Variants in NRL observed in about 807,000 individuals in gnomAD.
NRL encodes neural retina-specific leucine zipper protein.
In NRL, 16 loss-of-function variants were observed where a neutral mutation model predicts 12.5. That is an observed-to-expected ratio of 1.28 (90% confidence interval 0.87 to 1.95). NRL has a LOEUF of 1.95. Ranked by LOEUF, NRL falls within the 30% of genes most tolerant of loss-of-function variation. The pLI is 0.00. For missense variants in NRL, 314 were observed against 325.8 expected (o/e 0.96, Z 0.28); for synonymous variants, 142 against 150.9 (o/e 0.94, Z 0.43).
At chr14:24,091,342 G>C (rs1308358252) in intron 1 of NRL, among the ~76,000 whole-genome samples, 1 of 152,172 alleles carries the variant, frequency 6.6e-6, no homozygotes. Context: ...GTAGAGACGG[G>C]GTTTCACCAT....
chr14:24,094,468 C>A lies in NRL; in HGVS notation c.-27-11593G>T. 2 of 1,508,282 alleles carry A rather than the reference C, an allele frequency of 1.3e-6. No homozygotes were observed. Among genetic ancestry groups the A allele is most frequent in the Non-Finnish European group, 8.8e-7 (1 of 1,135,586 alleles). 93.4% of individuals were successfully genotyped at this position (1,508,282 alleles called of 1,614,324 possible). ...CCCCCGGCCCGGGGCCCACCCGCAC[C>A]TTCCGCTGCGCTCGCCCCCTCGGGG... On this transcript the variant is annotated intron_variant, in intron 1 of 2. Transcript: ENST00000561028. This position sits in a 1 kb window ranked among gnomAD's most constrained non-coding sequence, Gnocchi z 4.1.
intron 1 of NRL, chr14:24,099,546 C>T (rs1367890499): frequency 6.4e-7 from 1 of 1,566,984 alleles, no homozygotes; most frequent in Non-Finnish European, 8.6e-7. Context: ...TCCCTCTCTC[C>T]CCAATGCACA....
In NRL at chr14:24,099,622, G is replaced by A. The variant is rs780382053; in HGVS notation, c.-28+15100C>T. The A allele has an allele frequency of 8.1e-6, 13 of 1,613,946 alleles. No individual in the cohort carries two copies. The Admixed American group carries it at 1.8e-4, about 23-fold the overall frequency. On this transcript the variant is annotated intron_variant, in intron 1 of 2. Transcript: ENST00000561028. ...GTGGCAGCCGCCTTCCCTAGTGCCT[G>A]TGGCAAGACCAACCTGGCTATGATG...
At chr14:24,100,997 C>T (rs1293290526) in intron 1 of NRL, among the ~76,000 whole-genome samples, 1 of 152,166 alleles carries the variant, frequency 6.6e-6, no homozygotes, top group Non-Finnish European at 1.5e-5. Context: ...CAAAGAAGAG[C>T]ATGGGAGGGG....
intron 1 of NRL, among the ~76,000 whole-genome samples, chr14:24,090,174 G>C (rs1219721463): frequency 1.3e-5 from 2 of 149,148 alleles, no homozygotes; most frequent in Non-Finnish European, 3.0e-5. Flanking sequence ...AGTCAGATTA[G>C]AGGACTAATG....
Position 24,081,636 on chromosome 14 carries a change from C to T in NRL, c.382-68G>A, listed in dbSNP as rs1216949796. ...ACCCGGCTCTGCCCTGAGGGCCCGA[C>T]GCTACCTGGCTCCGCCCCGGGACAG... is the stretch of plus-strand genomic sequence containing the variant. On this transcript the variant is annotated intron_variant, in intron 2 of 2. Transcript: ENST00000561028. This position sits in a 1 kb window ranked among gnomAD's most constrained non-coding sequence, Gnocchi z 4.4. 1.3e-6 allele frequency: 2 copies of T among 1,541,162 alleles called. No homozygotes were observed. The highest frequency in any genetic ancestry group is 2.0e-5 in the Admixed American group (1 of 50,978).
chr14:24,113,922 G>C (rs1182064776), intron 1 of NRL, among the ~76,000 whole-genome samples: 1 of 152,246 alleles, frequency 6.6e-6, no homozygotes, highest in African/African-American at 2.4e-5. Context: ...CTGAGCCTCT[G>C]AGCCCGAGAC....
At chr14:24,104,182 C>T (rs568099632) in intron 1 of NRL, 4 of 564,796 alleles carry the variant, frequency 7.1e-6, no homozygotes, top group Admixed American at 3.1e-5. Context: ...CCCTCTAACA[C>T]CTGTCTCACA....
intron 1 of NRL, among the ~76,000 whole-genome samples, chr14:24,083,358 T>C (rs1340976166): frequency 1.3e-5 from 2 of 152,210 alleles, no homozygotes; most frequent in Non-Finnish European, 2.9e-5. Flanking sequence ...TAGCTCTCTG[T>C]CTCTCAAAGC....
At chr14:24,091,415 C>G (rs866588245) in intron 1 of NRL, among the ~76,000 whole-genome samples, 1 of 152,130 alleles carries the variant, frequency 6.6e-6, no homozygotes, top group Admixed American at 6.5e-5. Flanking sequence ...CACAGAAGTG[C>G]TCTGGAAACT....
chr14:24,100,189 T>C (rs1318516752), intron 1 of NRL: 1 of 1,614,050 alleles, frequency 6.2e-7, no homozygotes, highest in Non-Finnish European at 8.5e-7. Context: ...TGTGACCTCC[T>C]GGCTGGGCAA....
Position 24,114,798 on chromosome 14 carries a change from G to A in NRL, c.-104C>T, listed in dbSNP as rs2037500533. 1.0e-6 allele frequency: 1 copy of A among 985,978 alleles called. No individual in the cohort carries two copies. Among genetic ancestry groups the A allele is most frequent in the Non-Finnish European group, 1.2e-6 (1 of 829,974 alleles). 61.1% of individuals were successfully genotyped at this position (985,978 alleles called of 1,614,324 possible). ...CGTCGTGTGACGTTTGCAGCCCGCC[G>A]GCCAGGAAGCCGCGAGATGCGTGAC... On this transcript the variant is annotated 5_prime_UTR_variant, in exon 1 of 3. Transcript: ENST00000561028.
chr14:24,112,489 G>A (rs1420761325), intron 1 of NRL, among the ~76,000 whole-genome samples: 2 of 127,238 alleles, frequency 1.6e-5, no homozygotes, highest in Non-Finnish European at 3.3e-5. Context: ...TCTGACAAAG[G>A]GCTAATATCC....
At position 24,094,071 on chromosome 14, in the gene NRL, G is replaced by C. The variant is rs2036731519; in HGVS notation, c.-27-11196C>G. On this transcript the variant is annotated intron_variant, in intron 1 of 2. Coordinates refer to ENST00000561028, the MANE Select transcript of NRL (RefSeq NM_001354768.3). This position sits in a 1 kb window ranked among gnomAD's most constrained non-coding sequence, Gnocchi z 4.1. The stretch of plus-strand genomic sequence containing the variant: ...TGCGGCTGGGAGGGCGGTGGCGGAT[G>C]GGGGGCGGGGCCTCGAAGTCGGGGG... 3.7e-6 allele frequency: 2 copies of C among 536,416 alleles called. No homozygotes were observed. Among genetic ancestry groups the C allele is most frequent in the South Asian group, 4.8e-5 (2 of 41,836 alleles). 33.2% of individuals were successfully genotyped at this position (536,416 alleles called of 1,614,324 possible).
chr14:24,086,806 G>T (rs2036477731), intron 1 of NRL, among the ~76,000 whole-genome samples: 1 of 152,214 alleles, frequency 6.6e-6, no homozygotes, highest in African/African-American at 2.4e-5. Context: ...GACTAAACAA[G>T]CTCAGGCGAG....
chr14:24,082,196 C>A (rs2036332965), intron 2 of NRL, among the ~76,000 whole-genome samples: 1 of 152,172 alleles, frequency 6.6e-6, no homozygotes, highest in Non-Finnish European at 1.5e-5. Flanking sequence ...CGCCCACTCC[C>A]CAGCTCAATT....
At chr14:24,099,413 TA>T in intron 1 of NRL, 1 of 1,003,086 alleles carries the variant, frequency 1.0e-6, no homozygotes, top group East Asian at 2.5e-5. Context: ...CCCCTGCCAC[TA>T]ACCCAGGCCT....
intron 1 of NRL, among the ~76,000 whole-genome samples, chr14:24,108,731 C>T (rs1010224780): frequency 6.6e-6 from 1 of 152,274 alleles, no homozygotes; most frequent in Admixed American, 6.5e-5. Context: ...TAGAACATCC[C>T]ATAGTTACTT....
chr14:24,094,555 G>C lies in NRL; in HGVS notation c.-27-11680C>G, dbSNP rs1373003757. ...GGTTTCCCATCCTAGGCGGAGGCGG[G>C]CAGGGGCGACTGCTGTGGGTCCAGC... is the stretch of plus-strand genomic sequence containing the variant. On this transcript the variant is annotated intron_variant, in intron 1 of 2. Transcript: ENST00000561028. The surrounding 1 kb of genome is among the most constrained non-coding windows in gnomAD (Gnocchi z 4.1). 4 of 1,440,930 alleles carry C rather than the reference G, an allele frequency of 2.8e-6. No homozygotes were observed. The highest frequency in any genetic ancestry group is 2.5e-5 in the East Asian group (1 of 39,692). The allele number at this position is 1,440,930 out of a possible 1,614,324, so 89.3% of individuals were successfully genotyped here.
Sources: allele counts gnomAD v4.1 joint callset (sites outside exome capture counted in the v4.1 genomes callset), GRCh38; gene constraint gnomAD v4.1.1; non-coding constraint Gnocchi (gnomAD v3.1); transcripts MANE v1.5; gene names NCBI Gene and HGNC (gene_info 2026-07-23, HGNC 2026-07-21).